The following NEGR1 variants were observed in gnomAD, a reference collection of about 807,000 sequenced individuals.
NEGR1 encodes the protein IgLON family member 4.
Under a neutral mutation model 40.9 loss-of-function variants are expected in NEGR1, and 10 were observed. The ratio of observed to expected loss-of-function variants is 0.24; its 90% confidence interval spans 0.15 to 0.42. NEGR1 has a LOEUF of 0.42. NEGR1 is among the 10% of genes least tolerant of loss of function. NEGR1 has a pLI of 1.00. For missense variants in NEGR1, 352 were observed against 438.9 expected (o/e 0.80, Z 1.77); for synonymous variants, 185 against 166.8 (o/e 1.11, Z -0.84).
intron 5 of NEGR1, 43 bp downstream of exon 5, chr1:71,610,983 G>A (rs1377280714): frequency 6.3e-7 from 1 of 1,586,742 alleles, no homozygotes; most frequent in Admixed American, 1.7e-5. Context: ...AAGCACGTTA[G>A]CTCAAAGTGC....
chr1:72,063,277 C>A (rs1647205636), intron 1 of NEGR1, among the ~76,000 whole-genome samples: 1 of 151,756 alleles, frequency 6.6e-6, no homozygotes, highest in Non-Finnish European at 1.5e-5. Flanking sequence ...AAGATGAGGA[C>A]TTGGGTTCAG....
intron 1 of NEGR1, chr1:72,101,033 T>TAG (rs1453855037): frequency 1.3e-5 from 2 of 152,132 alleles, no homozygotes; most frequent in Non-Finnish European, 2.9e-5. Context: ...TAACCCTACT[T>TAG]ATCTGTCAAA....
intron 1 of NEGR1, among the ~76,000 whole-genome samples, chr1:72,221,602 G>A (rs1446668020): frequency 6.6e-6 from 1 of 151,986 alleles, no homozygotes; most frequent in Non-Finnish European, 1.5e-5. Flanking sequence ...TTAATAAAAT[G>A]TGCCATGATG....
chr1:72,219,910 T>C (rs1653953918), intron 1 of NEGR1, among the ~76,000 whole-genome samples: 1 of 152,092 alleles, frequency 6.6e-6, no homozygotes, highest in Admixed American at 6.6e-5. Context: ...ATAATATTAA[T>C]GGTTGTTACC....
intron 6 of NEGR1, among the ~76,000 whole-genome samples, chr1:71,508,850 G>T (rs1214040233): frequency 6.6e-6 from 1 of 152,132 alleles, no homozygotes; most frequent in Non-Finnish European, 1.5e-5. Flanking sequence ...TTATCACCAT[G>T]AACAATCCAG....
chr1:72,171,213 A>C (rs1407326368), intron 1 of NEGR1, among the ~76,000 whole-genome samples: 3 of 152,190 alleles, frequency 2.0e-5, no homozygotes, highest in Admixed American at 2.0e-4. Context: ...TTAAAAGAAC[A>C]AACAGCCATC....
chr1:72,176,135 A>G (rs1447503011), intron 1 of NEGR1, among the ~76,000 whole-genome samples: 5 of 152,134 alleles, frequency 3.3e-5, no homozygotes, highest in South Asian at 4.1e-4. Flanking sequence ...ACACATTTCC[A>G]TAAGTCAGTC....
chr1:71,614,782 G>A (rs1472865548), intron 4 of NEGR1, among the ~76,000 whole-genome samples: 3 of 152,152 alleles, frequency 2.0e-5, no homozygotes, highest in African/African-American at 4.8e-5. Context: ...AAACCCAGGC[G>A]TAATGAACCG....
chr1:72,150,049 C>T (rs923274913), intron 1 of NEGR1, among the ~76,000 whole-genome samples: 1 of 152,014 alleles, frequency 6.6e-6, no homozygotes, highest in Non-Finnish European at 1.5e-5. Context: ...GTTGTCTTCA[C>T]ATATCACTAT....
intron 1 of NEGR1, among the ~76,000 whole-genome samples, chr1:71,966,628 A>G (rs990331274): frequency 6.6e-6 from 1 of 152,182 alleles, no homozygotes; most frequent in Non-Finnish European, 1.5e-5. Context: ...GAAAGAATCA[A>G]ATGGTATTTT....
intron 6 of NEGR1, among the ~76,000 whole-genome samples, chr1:71,559,517 T>C (rs2101478577): frequency 6.6e-6 from 1 of 151,760 alleles, no homozygotes; most frequent in African/African-American, 2.4e-5. Context: ...TAACGTTCTC[T>C]TTTTGTGATG....
intron 6 of NEGR1, among the ~76,000 whole-genome samples, chr1:71,432,517 T>C (rs796815985): frequency 8.5e-5 from 13 of 152,276 alleles, no homozygotes; most frequent in African/African-American, 2.9e-4. Flanking sequence ...GAAGGGACTT[T>C]TCGCTTATCT....
chr1:71,521,824 A>C (rs1052705076), intron 6 of NEGR1, among the ~76,000 whole-genome samples: 1 of 151,998 alleles, frequency 6.6e-6, no homozygotes, highest in Non-Finnish European at 1.5e-5. Context: ...AACACTTGAG[A>C]GTCTTCAGCA....
chr1:72,013,979 A>G (rs1048779423), intron 1 of NEGR1, among the ~76,000 whole-genome samples: 1 of 138,636 alleles, frequency 7.2e-6, no homozygotes, highest in Non-Finnish European at 1.5e-5. Flanking sequence ...AAAAAAAAAA[A>G]AAAAAAAAAG....
intron 1 of NEGR1, among the ~76,000 whole-genome samples, chr1:72,240,505 T>C (rs981471353): frequency 2.6e-5 from 4 of 151,752 alleles, no homozygotes; most frequent in Non-Finnish European, 5.9e-5. Flanking sequence ...ATCCCAAGCA[T>C]TTCTTCAAAG....
At chr1:71,657,074 T>G (rs1651904190) in intron 4 of NEGR1, among the ~76,000 whole-genome samples, 1 of 152,172 alleles carries the variant, frequency 6.6e-6, no homozygotes, top group Non-Finnish European at 1.5e-5. Context: ...CATGGACCAC[T>G]GTAGTTTGAT....
chr1:71,831,073 A>G (rs1384633664), intron 2 of NEGR1, among the ~76,000 whole-genome samples: 3 of 152,012 alleles, frequency 2.0e-5, no homozygotes, highest in African/African-American at 4.8e-5. Flanking sequence ...CATTGCATGA[A>G]CTAATGAAAA....
chr1:72,052,519 T>C (rs1047961522), intron 1 of NEGR1, among the ~76,000 whole-genome samples: 10 of 151,468 alleles, frequency 6.6e-5, no homozygotes, highest in African/African-American at 2.2e-4. Flanking sequence ...AAGATTTGCA[T>C]ATTTCCAATC....
intron 2 of NEGR1, among the ~76,000 whole-genome samples, chr1:71,852,450 C>A (rs866157188): frequency 1.3e-5 from 2 of 152,074 alleles, no homozygotes; most frequent in Non-Finnish European, 2.9e-5. Context: ...TGAAAACAAT[C>A]AGCTATACCT....
Sources: allele counts gnomAD v4.1 joint callset (sites outside exome capture counted in the v4.1 genomes callset), GRCh38; gene constraint gnomAD v4.1.1; transcripts MANE v1.5; gene names NCBI Gene and HGNC (gene_info 2026-07-23, HGNC 2026-07-21).